Variants in KIF26B observed in about 807,000 individuals in gnomAD.
KIF26B encodes kinesin-like protein KIF26B.
In KIF26B, 63 loss-of-function variants were observed where a neutral mutation model predicts 151.2. The ratio of observed to expected loss-of-function variants is 0.42; its 90% CI spans 0.34 to 0.51. The LOEUF (loss-of-function observed/expected upper bound fraction) is 0.51, where lower values mean the gene tolerates loss of function less well. KIF26B is among the 20% of genes least tolerant of loss of function. The pLI is 0.07. For synonymous variants in KIF26B, 1,357 were observed against 1,262.1 expected (o/e 1.08, Z -1.59); for missense variants, 2,813 against 2,913.6 (o/e 0.97, Z 0.79).
chr1:245,689,989 G>A (rs2044602384), intron 12 of KIF26B, among the ~76,000 whole-genome samples: 2 of 152,072 alleles, frequency 1.3e-5, no homozygotes. Flanking sequence ...GCAAGGAGAA[G>A]AGGACCCGGG....
intron 4 of KIF26B, among the ~76,000 whole-genome samples, chr1:245,481,451 T>TG (rs777739559): frequency 2.3e-4 from 35 of 151,834 alleles, no homozygotes; most frequent in Non-Finnish European, 4.0e-4. Context: ...ACTGCTCCCC[T>TG]GGGGAAAGGA....
chr1:245,657,317 G>C (rs1371164912), intron 10 of KIF26B, among the ~76,000 whole-genome samples: 1 of 152,188 alleles, frequency 6.6e-6, no homozygotes, highest in Non-Finnish European at 1.5e-5. Flanking sequence ...TGTCACCCCT[G>C]AGCCTGAAAT....
At chr1:245,344,168 C>T (rs1044895971) in intron 2 of KIF26B, among the ~76,000 whole-genome samples, 1 of 151,504 alleles carries the variant, frequency 6.6e-6, no homozygotes, top group African/African-American at 2.4e-5. Flanking sequence ...TTCCCCCTCC[C>T]TGTCTCCCTC....
intron 2 of KIF26B, among the ~76,000 whole-genome samples, chr1:245,290,155 G>A (rs534852319): frequency 1.3e-5 from 2 of 149,876 alleles, no homozygotes; most frequent in Admixed American, 1.3e-4. Context: ...GCATTCAGTA[G>A]GTGCTTAATC....
At chr1:245,507,301 T>C (rs1660744645) in intron 4 of KIF26B, among the ~76,000 whole-genome samples, 2 of 152,156 alleles carry the variant, frequency 1.3e-5, no homozygotes, top group Non-Finnish European at 2.9e-5. Flanking sequence ...GCAGGATGTT[T>C]ACTGGAAATC....
At chr1:245,450,359 C>T (rs1659360023) in intron 4 of KIF26B, among the ~76,000 whole-genome samples, 2 of 152,144 alleles carry the variant, frequency 1.3e-5, no homozygotes, top group Admixed American at 6.5e-5. Context: ...AAAAGATTTT[C>T]GCTGTTGCCT....
chr1:245,173,881 G>A (rs982206792), intron 2 of KIF26B, among the ~76,000 whole-genome samples: 2 of 152,236 alleles, frequency 1.3e-5, no homozygotes, highest in African/African-American at 4.8e-5. Context: ...ACACGGGCCA[G>A]ACCCACGCTG....
intron 2 of KIF26B, among the ~76,000 whole-genome samples, chr1:245,231,022 C>T (rs1006930544): frequency 3.0e-4 from 46 of 151,450 alleles, no homozygotes; most frequent in African/African-American, 1.1e-3. Context: ...GACGAGATTA[C>T]AAGATGTCCA....
intron 5 of KIF26B, among the ~76,000 whole-genome samples, chr1:245,591,619 G>T (rs2043290006): frequency 6.6e-6 from 1 of 152,194 alleles, no homozygotes; most frequent in Non-Finnish European, 1.5e-5. Flanking sequence ...GTGTCACTGA[G>T]GTCGGAGTGG....
chr1:245,662,561 T>TAC (rs376360970), intron 10 of KIF26B, among the ~76,000 whole-genome samples: 6,096 of 47,020 alleles, frequency 0.13, 168 homozygotes, highest in East Asian at 0.36. Context: ...GATATATATA[T>TAC]ACACACACCC....
chr1:245,370,901 C>T (rs1193156402), intron 3 of KIF26B, among the ~76,000 whole-genome samples: 3 of 152,140 alleles, frequency 2.0e-5, no homozygotes, highest in African/African-American at 2.4e-5. Flanking sequence ...TGGGTGGGGC[C>T]GCAGCCTTGG....
At chr1:245,590,186 G>A (rs2043272398) in intron 5 of KIF26B, among the ~76,000 whole-genome samples, 1 of 151,382 alleles carries the variant, frequency 6.6e-6, no homozygotes, top group African/African-American at 2.4e-5. Flanking sequence ...CGAGGCGCCG[G>A]TGGAAGCACA....
chr1:245,606,223 C>T lies in KIF26B; in HGVS notation c.1558-1428C>T, dbSNP rs1430090707. Among the ~76,000 whole-genome samples, 1 of 152,182 alleles carries T rather than the reference C, an allele frequency of 6.6e-6. No homozygotes were observed. Among genetic ancestry groups the T allele is most frequent in the Admixed American group, 6.5e-5 (1 of 15,284 alleles). On this transcript the variant is annotated intron_variant, in intron 6 of 14. Transcript: ENST00000407071. The surrounding 1 kb of genome is among the most constrained non-coding windows in gnomAD (Gnocchi z 4.6). The stretch of plus-strand genomic sequence containing the variant: ...CCCCGCAGAGTTGCTGGGGACCACC[C>T]TGGAACAAGTGACAGCTGTTGGAAG...
At position 245,156,586 on chromosome 1, in the gene KIF26B, C is replaced by T; in HGVS notation, c.368C>T (p.Ser123Leu). The change falls in exon 2 of 15, where the codon TCG becomes TTG. Residue 123 changes from serine to leucine, a missense_variant. This residue lies in a region of KIF26B where 676 missense variants were observed against 688.1 expected (regional missense o/e 0.98). Coordinates refer to ENST00000407071, the MANE Select transcript of KIF26B (RefSeq NM_018012.4). ...SGSGGGSSPG[S>L]DRGVWCENCN... ...AGCGGCGGCGGCTCCTCCCCCGGCT[C>T]GGACCGCGGCGTCTGGTGCGAGAAC... The T allele has an allele frequency of 6.5e-7, 1 of 1,527,594 alleles. No individual in the cohort carries two copies. Among genetic ancestry groups the T allele is most frequent in the Non-Finnish European group, 8.7e-7 (1 of 1,143,858 alleles). 94.6% of individuals were successfully genotyped at this position (1,527,594 alleles called of 1,614,324 possible). A position where few individuals can be genotyped will look rare whatever the true frequency, so the allele number is the denominator to read the frequency against.
rs767255502 is a variant in KIF26B, at chr1:245,244,531, C to T, written c.465+87848C>T. 2.6e-5 allele frequency among the ~76,000 whole-genome samples: 4 copies of T among 151,922 alleles called. No individual in the cohort carries two copies. Among genetic ancestry groups the T allele is most frequent in the Non-Finnish European group, 5.9e-5 (4 of 68,002 alleles). On this transcript the variant is annotated intron_variant, in intron 2 of 14. Transcript: ENST00000407071. This position sits in a 1 kb window ranked among gnomAD's most constrained non-coding sequence, Gnocchi z 4.2. ...GTAGACCAATTTTATTGTACTTAGT[C>T]GAGTTCTAGAGGGAGCCAGGCCCAG...
At chr1:245,553,019 C>T (rs1661930869) in intron 5 of KIF26B, among the ~76,000 whole-genome samples, 1 of 152,156 alleles carries the variant, frequency 6.6e-6, no homozygotes, top group South Asian at 2.1e-4. Flanking sequence ...AAAATAATTC[C>T]TAGAGGTGAC....
intron 2 of KIF26B, among the ~76,000 whole-genome samples, chr1:245,300,443 G>A (rs998674660): frequency 6.6e-6 from 1 of 152,004 alleles, no homozygotes; most frequent in African/African-American, 2.4e-5. Context: ...TTTTAAAAAG[G>A]GTTTTCTGTC....
chr1:245,568,867 CA>C (rs1440707109), intron 5 of KIF26B, among the ~76,000 whole-genome samples: 3 of 152,146 alleles, frequency 2.0e-5, no homozygotes, highest in African/African-American at 7.2e-5. Flanking sequence ...TTGAATTGGG[CA>C]GAACCAGAAT....
At chr1:245,503,957 G>A (rs1660676264) in intron 4 of KIF26B, among the ~76,000 whole-genome samples, 1 of 152,222 alleles carries the variant, frequency 6.6e-6, no homozygotes, top group Non-Finnish European at 1.5e-5. Flanking sequence ...TCTCTCCTGA[G>A]TGTTCTGATG....
Sources: allele counts gnomAD v4.1 joint callset (sites outside exome capture counted in the v4.1 genomes callset), GRCh38; gene constraint gnomAD v4.1.1; regional missense constraint gnomAD v4.1.1; non-coding constraint Gnocchi (gnomAD v3.1); transcripts MANE v1.5; gene names NCBI Gene and HGNC (gene_info 2026-07-23, HGNC 2026-07-21).